The following SHROOM1 variants were observed in gnomAD, a reference collection of about 807,000 sequenced individuals.
SHROOM1 encodes the protein protein Shroom1.
Under a neutral mutation model 64.2 loss-of-function variants are expected in SHROOM1, and 53 were observed. The ratio of observed to expected loss-of-function variants is 0.83; its 90% confidence interval spans 0.66 to 1.04. The LOEUF (loss-of-function observed/expected upper bound fraction) is 1.04. SHROOM1 is among the 50% of genes least tolerant of loss of function. The probability of loss-of-function intolerance (pLI) is 0.00; values close to 1 mark genes in which losing one functional copy is unlikely to be tolerated. For synonymous variants in SHROOM1, 490 were observed against 518.9 expected (o/e 0.94, Z 0.76); for missense variants, 1,179 against 1,163.2 (o/e 1.01, Z -0.20).
Position 132,823,629 on chromosome 5 carries a change from G to T in SHROOM1, c.1947C>A (p.Gly649=). The change falls in exon 8 of 10, where the codon GGC becomes GGA. Residue 649 remains glycine (G), a synonymous_variant. Coordinates refer to ENST00000378679, the MANE Select transcript of SHROOM1 (RefSeq NM_001172700.2). The surrounding 1 kb of genome is among the most constrained non-coding windows in gnomAD (Gnocchi z 4.6). ...CCAGCCCTTCTCCACTCACTTTCTT[G>T]CCCTGGATGCTGTTGTTTGGTGCAG... ...GLPAPNNSIQ[G]KKVELAARLQ... 1 of 1,592,122 alleles carries T rather than the reference G, an allele frequency of 6.3e-7. No homozygotes were observed. Among genetic ancestry groups the T allele is most frequent in the Non-Finnish European group, 8.6e-7 (1 of 1,168,758 alleles).
Position 132,822,889 on chromosome 5 carries a change from G to T in SHROOM1, c.2466C>A (p.Asp822Glu). The change falls in exon 10 of 10, where the codon GAC (aspartate) becomes GAA (glutamate). Residue 822 changes from aspartate (D) to glutamate (E), a missense_variant. Asp to Glu is a conservative substitution (Grantham distance 45). Transcript: ENST00000378679. ...LLQDQLDAIR[D>E]DLGHHAPSPS... ...GAGACGGGGCATGATGGCCAAGGTC[G>T]TCCCTGATGGCGTCCAGTTGGTCCT... is the stretch of plus-strand genomic sequence containing the variant. 1.2e-6 allele frequency: 2 copies of T among 1,613,648 alleles called. No individual in the cohort carries two copies. Among genetic ancestry groups the T allele is most frequent in the Non-Finnish European group, 1.7e-6 (2 of 1,180,016 alleles).
intron 6 of SHROOM1, 31 bp downstream of exon 6, chr5:132,824,572 GTCAGGGGGTGCC>G: frequency 6.3e-7 from 1 of 1,576,870 alleles, no homozygotes; most frequent in South Asian, 1.1e-5. Context: ...AGATGTGTGT[GTCAGGGGGTGCC>G]TCACGATGCT....
Position 132,823,365 on chromosome 5 carries a change from C to A in SHROOM1, c.2111G>T (p.Arg704Leu). 1 of 1,608,302 alleles carries A rather than the reference C, an allele frequency of 6.2e-7. No individual in the cohort carries two copies. The highest frequency in any genetic ancestry group is 8.5e-7 in the Non-Finnish European group (1 of 1,179,686). ...CACGCGCTCTAGGTCGGCCATGAACCGGCTGAACCGCTCCAGCTCCTGAGG... is the reference window on the plus strand; with the variant it reads ...CACGCGCTCTAGGTCGGCCATGAACAGGCTGAACCGCTCCAGCTCCTGAGG... ...CAPQELERFS[R>L]FMADLERVLG... Residue 704 changes from arginine to leucine, a missense_variant, in exon 9 of 10, where the codon CGG (arginine) becomes CTG (leucine). Transcript: ENST00000378679. The surrounding 1 kb of genome is among the most constrained non-coding windows in gnomAD (Gnocchi z 4.6).
rs200351575 is a variant in SHROOM1 at position 132,826,283 on chromosome 5, C to T, written c.-49G>A. ...CGGACGGCCAGACACTTACACTTCC[C>T]CTCCCTGGTCACACCGTCACAAGCG... is the stretch of plus-strand genomic sequence containing the variant. On this transcript the variant is annotated 5_prime_UTR_variant, in exon 3 of 10. Coordinates refer to ENST00000378679, the MANE Select transcript of SHROOM1 (RefSeq NM_001172700.2). 9.4e-5 allele frequency: 117 copies of T among 1,246,630 alleles called. 1 individual carries two copies. The East Asian group carries it at 3.3e-3, about 35-fold the overall frequency. 77.2% of individuals were successfully genotyped at this position (1,246,630 alleles called of 1,614,324 possible). A position where few individuals can be genotyped will look rare whatever the true frequency, so the allele number is the denominator to read the frequency against.
Position 132,824,521 on chromosome 5 carries a change from G to A in SHROOM1, c.1241+94C>T, listed in dbSNP as rs549441426. On this transcript the variant is annotated intron_variant, in intron 6 of 9. Transcript: ENST00000378679. The stretch of plus-strand genomic sequence containing the variant: ...CTACCCCCATCACCTGGAATCCCAG[G>A]CTCCAGCTAGGAGAGCATTCCCACC... 137 of 1,518,264 alleles carry A rather than the reference G, an allele frequency of 9.0e-5. No homozygotes were observed. The East Asian group carries it at 2.7e-3, about 30-fold the overall frequency. The allele number at this position is 1,518,264 out of a possible 1,614,324, so 94.0% of individuals were successfully genotyped here.
In SHROOM1 at chr5:132,825,797, A is replaced by G. The variant is rs1758669693; in HGVS notation, c.344T>C (p.Leu115Pro). 3 of 1,246,284 alleles carry G rather than the reference A, an allele frequency of 2.4e-6. No homozygotes were observed. The highest frequency in any genetic ancestry group is 3.0e-6 in the Non-Finnish European group (3 of 997,944). The allele number at this position is 1,246,284 out of a possible 1,614,324, so 77.2% of individuals were successfully genotyped here. Residue 115 changes from leucine to proline, a missense_variant, in exon 4 of 10, where the codon CTG (leucine) becomes CCG (proline). By Grantham distance (98) the Leu-to-Pro change is moderately conservative (BLOSUM62 -3). Transcript: ENST00000378679. This position sits in a 1 kb window ranked among gnomAD's most constrained non-coding sequence, Gnocchi z 5.1. ...GPLNRQATPLLYALAAEAEAA... is the reference protein window; with the variant it reads ...GPLNRQATPLPYALAAEAEAA... ...CTCCGCCTCGGCCGCCAGCGCGTAC[A>G]GCAGCGGGGTGGCCTGCCTGTTCAG...
At position 132,826,192 on chromosome 5, in the gene SHROOM1, C is replaced by T; in HGVS notation, c.-42-10G>A. 1 of 1,285,494 alleles carries T rather than the reference C, an allele frequency of 7.8e-7. No homozygotes were observed. The highest frequency in any genetic ancestry group is 9.8e-7 in the Non-Finnish European group (1 of 1,016,868). 79.6% of individuals were successfully genotyped at this position (1,285,494 alleles called of 1,614,324 possible). A position where few individuals can be genotyped will look rare whatever the true frequency, so the allele number is the denominator to read the frequency against. ...GGTGGCTGCGTGGGTCCTGGGAAAA[C>T]ACAGATGTGGTGCCGGGTGAGGAGC... On this transcript the variant is annotated splice_polypyrimidine_tract_variant and intron_variant, in intron 3 of 9. Coordinates refer to ENST00000378679, the MANE Select transcript of SHROOM1 (RefSeq NM_001172700.2).
Position 132,824,697 on chromosome 5 carries a change from C to G in SHROOM1, c.1159G>C (p.Asp387His), listed in dbSNP as rs745497097. 2 of 1,614,060 alleles carry G rather than the reference C, an allele frequency of 1.2e-6. No individual in the cohort carries two copies. Among genetic ancestry groups the G allele is most frequent in the Non-Finnish European group, 1.7e-6 (2 of 1,180,016 alleles). The change falls in exon 6 of 10, where the codon GAT becomes CAT. Residue 387 changes from aspartate to histidine, a missense_variant. By Grantham distance (81) the Asp-to-His change is moderately conservative. Coordinates refer to ENST00000378679, the MANE Select transcript of SHROOM1 (RefSeq NM_001172700.2). ...GGGGCCTCTTCTAGGAACACTTCATCAGGAAGGGAGGGGAGCCAGGCAGGC... is the reference window on the plus strand; with the variant it reads ...GGGGCCTCTTCTAGGAACACTTCATGAGGAAGGGAGGGGAGCCAGGCAGGC... Reference protein sequence around the residue: ...IVPAWLPSLPDEVFLEEAPLV... With the variant: ...IVPAWLPSLPHEVFLEEAPLV...
At position 132,823,738 on chromosome 5, in the gene SHROOM1, A is replaced by G. The variant is rs1036604682; in HGVS notation, c.1838T>C (p.Leu613Pro). ...TGTCTCCTCCCGAGGAGCCGGCAGG[A>G]GCTGGGTGAAGCTGAACTGATAGGA... ...PGSYQFSFTQ[L>P]LPAPREETRL... Residue 613 changes from leucine to proline, a missense_variant, in exon 8 of 10, where the codon CTC (leucine) becomes CCC (proline). Physicochemically the swap from Leu to Pro is moderately conservative, Grantham distance 98. Transcript: ENST00000378679. This position sits in a 1 kb window ranked among gnomAD's most constrained non-coding sequence, Gnocchi z 4.6. 11 of 1,599,644 alleles carry G rather than the reference A, an allele frequency of 6.9e-6. No individual in the cohort carries two copies. The highest frequency in any genetic ancestry group is 8.5e-6 in the Non-Finnish European group (10 of 1,173,588).
At position 132,824,147 on chromosome 5, in the gene SHROOM1, G is replaced by C; in HGVS notation, c.1514C>G (p.Ala505Gly). 1 of 1,614,214 alleles carries C rather than the reference G, an allele frequency of 6.2e-7. No homozygotes were observed. The highest frequency in any genetic ancestry group is 8.5e-7 in the Non-Finnish European group (1 of 1,180,038). ...AESDLLKPVP[A>G]DALGLSGNDT... ...ATTGCCTGAAAGTCCCAAGGCATCA[G>C]CTGGGACAGGTTTGAGGAGGTCACT... Residue 505 changes from alanine (A) to glycine (G), a missense_variant, in exon 7 of 10, where the codon GCT (alanine) becomes GGT (glycine). By Grantham distance (60) the Ala-to-Gly change is moderately conservative (BLOSUM62 0). Coordinates refer to ENST00000378679, the MANE Select transcript of SHROOM1 (RefSeq NM_001172700.2).
At position 132,826,575 on chromosome 5, in the gene SHROOM1, A is replaced by C. The variant is rs1758711194; in HGVS notation, c.-341T>G. 6.0e-6 allele frequency: 1 copy of C among 165,930 alleles called. No homozygotes were observed. The highest frequency in any genetic ancestry group is 1.3e-5 in the Non-Finnish European group (1 of 77,756). The allele number at this position is 165,930 out of a possible 1,614,324, so 10.3% of individuals were successfully genotyped here. A position where few individuals can be genotyped will look rare whatever the true frequency, so the allele number is the denominator to read the frequency against. On this transcript the variant is annotated 5_prime_UTR_variant, in exon 3 of 10. The change abolishes an upstream ATG in the 5' untranslated region. Transcript: ENST00000378679. ...TCCTGGCCGTTCTGTTGGCTTCTCC[A>C]TGTGATCTTTCCCTGATAAACAATG...
rs760754330 is a variant in SHROOM1, at chr5:132,823,128, C to A, written c.2227G>T (p.Ala743Ser). 1 of 1,554,132 alleles carries A rather than the reference C, an allele frequency of 6.4e-7. No individual in the cohort carries two copies. Among genetic ancestry groups the A allele is most frequent in the Non-Finnish European group, 8.6e-7 (1 of 1,157,900 alleles). Residue 743 changes from alanine to serine, a missense_variant and splice_region_variant, in exon 10 of 10, where the codon GCC (alanine) becomes TCC (serine). Physicochemically the swap from Ala to Ser is moderately conservative, Grantham distance 99. Transcript: ENST00000378679. The surrounding 1 kb of genome is among the most constrained non-coding windows in gnomAD (Gnocchi z 4.6). Reference sequence around the variant, plus strand: ...AGCCGGAGTCGCTGCAGCAGGGAGGCCTTGAGCCGCAGGAAGAGGCGCCGT... The same window carrying A: ...AGCCGGAGTCGCTGCAGCAGGGAGGACTTGAGCCGCAGGAAGAGGCGCCGT... ...AASDSDPDEQ[A>S]SLLQRLRLLQ...
Position 132,830,025 on chromosome 5 carries a change from G to A in SHROOM1, c.-501+569C>T. 1 of 985,390 alleles carries A rather than the reference G, an allele frequency of 1.0e-6. No homozygotes were observed. The highest frequency in any genetic ancestry group is 1.2e-6 in the Non-Finnish European group (1 of 829,894). The allele number at this position is 985,390 out of a possible 1,614,324, so 61.0% of individuals were successfully genotyped here. Reference sequence around the variant, plus strand: ...GCGGCCGCGGGCGTGGACAGACCCGGTTACCTGGGGTTCAATCTCTGGGAG... The same window carrying A: ...GCGGCCGCGGGCGTGGACAGACCCGATTACCTGGGGTTCAATCTCTGGGAG... On this transcript the variant is annotated intron_variant, in intron 1 of 9. Coordinates refer to ENST00000378679, the MANE Select transcript of SHROOM1 (RefSeq NM_001172700.2). The surrounding 1 kb of genome is among the most constrained non-coding windows in gnomAD (Gnocchi z 5.9).
chr5:132,830,262 G>C lies in SHROOM1; in HGVS notation c.-501+332C>G. 1.0e-5 allele frequency: 10 copies of C among 985,366 alleles called. No individual in the cohort carries two copies. Among genetic ancestry groups the C allele is most frequent in the Non-Finnish European group, 1.1e-5 (9 of 829,884 alleles). The allele number at this position is 985,366 out of a possible 1,614,324, so 61.0% of individuals were successfully genotyped here. On this transcript the variant is annotated intron_variant, in intron 1 of 9. Transcript: ENST00000378679. The surrounding 1 kb of genome is among the most constrained non-coding windows in gnomAD (Gnocchi z 5.9). Reference sequence around the variant, plus strand: ...TCCAGATGCTTGGCGACAAAGGGCAGGAGCGGAGGGTGGCGGAGTGAGACC... The same window carrying C: ...TCCAGATGCTTGGCGACAAAGGGCACGAGCGGAGGGTGGCGGAGTGAGACC...
Position 132,825,031 on chromosome 5 carries a change from T to C in SHROOM1, c.1021A>G (p.Thr341Ala), listed in dbSNP as rs1323610366. ...GAETPRPLFQ[T>A]KLSRFLPQKE... Reference sequence around the variant, plus strand: ...CGTGTCTCTCACCTGGAAAGTTTGGTCTGAAACAATGGTCTGGGGGTTTCT... The same window carrying C: ...CGTGTCTCTCACCTGGAAAGTTTGGCCTGAAACAATGGTCTGGGGGTTTCT... Residue 341 changes from threonine (T) to alanine (A), a missense_variant, in exon 5 of 10, where the codon ACC becomes GCC. Transcript: ENST00000378679. The surrounding 1 kb of genome is among the most constrained non-coding windows in gnomAD (Gnocchi z 5.1). 1.2e-6 allele frequency: 2 copies of C among 1,614,096 alleles called. No homozygotes were observed. The highest frequency in any genetic ancestry group is 2.2e-5 in the East Asian group (1 of 44,888).
At position 132,824,787 on chromosome 5, in the gene SHROOM1, G is replaced by A. The variant is rs1196237400; in HGVS notation, c.1069C>T (p.Pro357Ser). Residue 357 changes from proline (P) to serine (S), a missense_variant, in exon 6 of 10, where the codon CCT becomes TCT. Pro to Ser is a moderately conservative substitution (Grantham distance 74). Coordinates refer to ENST00000378679, the MANE Select transcript of SHROOM1 (RefSeq NM_001172700.2). ...GGGCTGCTCTGGGGTAACTCTGCAG[G>A]ATACATCACCGCAGCCTCTTTCTGA... ...LPQKEAAVMY[P>S]AELPQSSPAD... 2 of 1,613,972 alleles carry A rather than the reference G, an allele frequency of 1.2e-6. No individual in the cohort carries two copies. The highest frequency in any genetic ancestry group is 1.7e-6 in the Non-Finnish European group (2 of 1,180,050).
intron 1 of SHROOM1, among the ~76,000 whole-genome samples, chr5:132,829,282 GCAGGTGGAGGCAC>G (rs1363035074): frequency 6.6e-6 from 1 of 152,206 alleles, no homozygotes; most frequent in Non-Finnish European, 1.5e-5. Context: ...TAGGGGTCTG[GCAGGTGGAGGCAC>G]CAGTCTGAAA....
chr5:132,822,909 G>C lies in SHROOM1; in HGVS notation c.2446C>G (p.Gln816Glu). ...AGGTCGTCCCTGATGGCGTCCAGTT[G>C]GTCCTGAAGGAGGCGGATGCGCTCG... ...LDERIRLLQD[Q>E]LDAIRDDLGH... Residue 816 changes from glutamine (Q) to glutamate (E), a missense_variant, in exon 10 of 10, where the codon CAA (glutamine) becomes GAA (glutamate). Gln to Glu is a conservative substitution (Grantham distance 29, BLOSUM62 2). Transcript: ENST00000378679. 1 of 1,613,518 alleles carries C rather than the reference G, an allele frequency of 6.2e-7. No homozygotes were observed. Among genetic ancestry groups the C allele is most frequent in the South Asian group, 1.1e-5 (1 of 91,088 alleles).
At chr5:132,829,969 A>G in intron 1 of SHROOM1, 1 of 985,458 alleles carries the variant, frequency 1.0e-6, no homozygotes, top group Non-Finnish European at 1.2e-6. Context: ...ATGCACAGGA[A>G]ATGCAGGAAG....
Sources: gnomAD v4.1 joint callset for allele counts (sites outside exome capture counted in the v4.1 genomes callset) on GRCh38, gnomAD v4.1.1 for gene constraint, Gnocchi (gnomAD v3.1) non-coding constraint, MANE v1.5 for transcripts, NCBI Gene and HGNC (gene_info 2026-07-23, HGNC 2026-07-21) for gene names.